The following ANKRD44 variants were observed in gnomAD, a reference collection of about 807,000 sequenced individuals.
The protein encoded by ANKRD44 is ankyrin repeat domain 44.
In ANKRD44, 35 loss-of-function variants were observed where a neutral mutation model predicts 116.0. The observed-to-expected ratio is 0.30, with a 90% CI of 0.23 to 0.40. The LOEUF is 0.40. Ranked by LOEUF, ANKRD44 falls within the 10% of genes least tolerant of loss-of-function variation. The pLI is 1.00. For missense variants in ANKRD44, 1,014 were observed against 1,242.6 expected (o/e 0.82, Z 2.77); for synonymous variants, 435 against 461.8 (o/e 0.94, Z 0.74).
At chr2:197,200,158 C>T (rs1351445807) in intron 1 of ANKRD44, among the ~76,000 whole-genome samples, 1 of 152,208 alleles carries the variant, frequency 6.6e-6, no homozygotes, top group Non-Finnish European at 1.5e-5. Context: ...GTTCTACAGA[C>T]CTCATGCAAA....
chr2:196,989,762 T>TAA, intron 27 of ANKRD44, 113 bp from the exon 28 acceptor site: 2 of 1,499,608 alleles, frequency 1.3e-6, no homozygotes, highest in South Asian at 1.3e-5. Flanking sequence ...TTCACTTTTT[T>TAA]TGTTCCTTTT....
intron 16 of ANKRD44, among the ~76,000 whole-genome samples, chr2:197,053,401 A>G (rs2077147134): frequency 6.6e-6 from 1 of 152,190 alleles, no homozygotes; most frequent in Non-Finnish European, 1.5e-5. Flanking sequence ...TATAATCAGA[A>G]AACAACCTGA....
At chr2:197,163,143 C>T (rs1389556137) in intron 2 of ANKRD44, among the ~76,000 whole-genome samples, 1 of 152,236 alleles carries the variant, frequency 6.6e-6, no homozygotes, top group African/African-American at 2.4e-5. Flanking sequence ...ACCCTCAGCC[C>T]TTCAGGCTTC....
rs138330364 is a variant in ANKRD44 at position 197,218,751 on chromosome 2, C to CTTTT, written c.28-31649_28-31646dup. Among the ~76,000 whole-genome samples the CTTTT allele has an allele frequency of 2.1e-4, 11 of 52,346 alleles. 2 individuals carry two copies. Among genetic ancestry groups the CTTTT allele is most frequent in the Non-Finnish European group, 3.2e-4 (9 of 28,402 alleles). The allele number at this position is 52,346 out of a possible 152,430, so 34.3% of individuals were successfully genotyped here. On this transcript the variant is annotated intron_variant, in intron 1 of 27. Transcript: ENST00000282272. ...TTCCTGGTATGGGAGGGTAAAGTCC[C>CTTTT]TTTTTTTTTTTTTTTTTTTTTTTTT...
intron 25 of ANKRD44, among the ~76,000 whole-genome samples, chr2:196,996,903 A>G (rs984997036): frequency 5.5e-4 from 3 of 5,498 alleles, no homozygotes; most frequent in African/African-American, 1.4e-3. Context: ...ACTCTGCCTC[A>G]AAAAAAAAAA....
At chr2:197,263,711 T>C (rs2082669550) in intron 1 of ANKRD44, among the ~76,000 whole-genome samples, 1 of 152,194 alleles carries the variant, frequency 6.6e-6, no homozygotes, top group African/African-American at 2.4e-5. Flanking sequence ...AGTTTGAATT[T>C]GCCTGAAAGC....
chr2:197,206,396 A>G (rs2081206420), intron 1 of ANKRD44, among the ~76,000 whole-genome samples: 1 of 152,208 alleles, frequency 6.6e-6, no homozygotes, highest in Non-Finnish European at 1.5e-5. Context: ...CAAAAGTATT[A>G]AATAAGGCAA....
intron 1 of ANKRD44, among the ~76,000 whole-genome samples, chr2:197,260,897 G>A: frequency 1.3e-5 from 1 of 74,814 alleles, no homozygotes; most frequent in Non-Finnish European, 2.6e-5. Context: ...GTCTGTTCAT[G>A]TCCTTTGCCC....
At chr2:197,227,986 C>T (rs896558264) in intron 1 of ANKRD44, among the ~76,000 whole-genome samples, 2 of 152,168 alleles carry the variant, frequency 1.3e-5, no homozygotes, top group African/African-American at 4.8e-5. Context: ...AATTCCAAAA[C>T]AAAAGAGCTG....
chr2:197,174,212 C>G (rs142969317), intron 2 of ANKRD44, among the ~76,000 whole-genome samples: 51 of 152,110 alleles, frequency 3.4e-4, no homozygotes, highest in African/African-American at 1.2e-3. Flanking sequence ...ATAAAATTTA[C>G]CATCTTAATC....
chr2:197,082,718 A>T lies in ANKRD44; in HGVS notation c.1457+651T>A, dbSNP rs148181771. ...AAATAATTCAATAGTTCTTCAAACA[A>T]GGTCATCAAAAAGTATTCCTATGAA... On this transcript the variant is annotated intron_variant, in intron 14 of 27. Transcript: ENST00000282272. 1.6e-4 allele frequency among the ~76,000 whole-genome samples: 24 copies of T among 152,360 alleles called. No homozygotes were observed. In the East Asian group the frequency reaches 4.4e-3, roughly 28 times the overall value.
At chr2:197,269,510 A>G (rs2082837617) in intron 1 of ANKRD44, among the ~76,000 whole-genome samples, 2 of 152,196 alleles carry the variant, frequency 1.3e-5, no homozygotes, top group South Asian at 4.1e-4. Flanking sequence ...GAAGAAGCGC[A>G]TGCTGGAGTT....
chr2:197,178,118 A>G (rs180826975), intron 2 of ANKRD44, among the ~76,000 whole-genome samples: 4 of 152,296 alleles, frequency 2.6e-5, no homozygotes, highest in African/African-American at 4.8e-5. Flanking sequence ...ACTCTCCCCA[A>G]AAAGGCATCA....
At chr2:196,967,514 C>A in intron 21 of ANKRD44, 2 of 425,890 alleles carry the variant, frequency 4.7e-6, no homozygotes, top group South Asian at 1.6e-5. Context: ...TTGCATTTTT[C>A]GGTAAAAAAG....
Position 197,005,086 on chromosome 2 carries a change from A to C in ANKRD44, c.2347+608T>G, listed in dbSNP as rs1356642483. Among the ~76,000 whole-genome samples the C allele has an allele frequency of 9.8e-5, 15 of 152,294 alleles. No homozygotes were observed. In the East Asian group the frequency reaches 2.9e-3, roughly 29 times the overall value. The stretch of plus-strand genomic sequence containing the variant: ...AATTATTTATATTTTCAAAGGAAAA[A>C]TTATGAAAGATGCACACAAAATTAC... On this transcript the variant is annotated intron_variant, in intron 21 of 27. Transcript: ENST00000282272.
At chr2:197,084,728 A>C (rs961450824) in intron 13 of ANKRD44, among the ~76,000 whole-genome samples, 2 of 151,840 alleles carry the variant, frequency 1.3e-5, no homozygotes, top group African/African-American at 4.9e-5. Flanking sequence ...TTTCTCTCTC[A>C]TTAGTTGACT....
At chr2:197,102,314 T>C (rs1179417846) in intron 9 of ANKRD44, among the ~76,000 whole-genome samples, 1 of 152,234 alleles carries the variant, frequency 6.6e-6, no homozygotes, top group Non-Finnish European at 1.5e-5. Context: ...GTTAGATGTA[T>C]CTTCAAGGTA....
At chr2:197,278,499 G>GGT (rs1553547724) in intron 1 of ANKRD44, among the ~76,000 whole-genome samples, 1 of 152,106 alleles carries the variant, frequency 6.6e-6, no homozygotes, top group Non-Finnish European at 1.5e-5. Flanking sequence ...TGGGACTACA[G>GGT]GCACGCACCA....
intron 1 of ANKRD44, among the ~76,000 whole-genome samples, chr2:197,272,503 T>TG (rs2082928168): frequency 6.6e-6 from 1 of 152,254 alleles, no homozygotes; most frequent in Non-Finnish European, 1.5e-5. Context: ...CCCAAAGTGC[T>TG]GGGATTACAG....
Sources: gnomAD v4.1 joint callset for allele counts (sites outside exome capture counted in the v4.1 genomes callset) on GRCh38, gnomAD v4.1.1 for gene constraint, MANE v1.5 for transcripts, NCBI Gene and HGNC (gene_info 2026-07-23, HGNC 2026-07-21) for gene names.